NECAB1: variants seen among roughly 807,000 people sequenced by gnomAD.
NECAB1 encodes the protein N-terminal EF-hand calcium-binding protein 1.
NECAB1 carries 29 observed loss-of-function variants against 57.5 expected under a neutral mutation model. That is an observed-to-expected ratio of 0.50 (90% CI 0.38 to 0.69). The LOEUF (loss-of-function observed/expected upper bound fraction) is 0.69. Among genes scored for constraint, NECAB1 ranks in the 30% least tolerant of loss-of-function variants. The pLI, the probability that NECAB1 is intolerant of heterozygous loss-of-function variation, is 0.00. For synonymous variants in NECAB1, 142 were observed against 147.7 expected (o/e 0.96, Z 0.28); for missense variants, 372 against 413.8 (o/e 0.90, Z 0.88).
chr8:90,916,505 C>G (rs187226387), intron 5 of NECAB1, among the ~76,000 whole-genome samples: 1 of 152,244 alleles, frequency 6.6e-6, no homozygotes, highest in East Asian at 1.9e-4. Flanking sequence ...CACCCTCAGT[C>G]GTTTTGTGTT....
At chr8:90,905,319 A>G (rs1486188699) in intron 5 of NECAB1, among the ~76,000 whole-genome samples, 1 of 152,200 alleles carries the variant, frequency 6.6e-6, no homozygotes, top group East Asian at 1.9e-4. Context: ...TTGTTTGCAG[A>G]GAGTTGTAAT....
At chr8:90,827,310 T>C (rs1278555344) in intron 3 of NECAB1, among the ~76,000 whole-genome samples, 1 of 151,994 alleles carries the variant, frequency 6.6e-6, no homozygotes, top group Non-Finnish European at 1.5e-5. Context: ...ATACATAACC[T>C]GGACCAAAAC....
At chr8:90,945,243 A>G (rs1337209776) in intron 10 of NECAB1, among the ~76,000 whole-genome samples, 2 of 150,950 alleles carry the variant, frequency 1.3e-5, no homozygotes, top group African/African-American at 4.9e-5. Flanking sequence ...AATTTTTTGT[A>G]TTTTAGTAGA....
intron 3 of NECAB1, among the ~76,000 whole-genome samples, chr8:90,858,372 G>C (rs982228214): frequency 6.6e-6 from 1 of 152,146 alleles, no homozygotes; most frequent in Non-Finnish European, 1.5e-5. Flanking sequence ...AAAACATTAA[G>C]TGTAAAACTC....
intron 5 of NECAB1, among the ~76,000 whole-genome samples, chr8:90,907,151 TGAGAGAGAGA>T (rs71266152): frequency 8.8e-5 from 9 of 102,042 alleles, no homozygotes; most frequent in Admixed American, 2.2e-4. Flanking sequence ...TGTGTGTGTG[TGAGAGAGAGA>T]GAGAGAGAGA....
intron 5 of NECAB1, among the ~76,000 whole-genome samples, chr8:90,893,912 A>G (rs938573916): frequency 4.6e-5 from 7 of 151,966 alleles, no homozygotes; most frequent in African/African-American, 1.7e-4. Context: ...TCTTCAGTTC[A>G]TTATGTTGAA....
At chr8:90,925,424 T>A in intron 6 of NECAB1, 111 bp from the exon 7 acceptor site, 2 of 1,239,940 alleles carry the variant, frequency 1.6e-6, no homozygotes, top group Non-Finnish European at 2.2e-6. Context: ...CTCATAAGTT[T>A]TCATTTTGCT....
chr8:90,862,631 G>A (rs1808422444), intron 3 of NECAB1, among the ~76,000 whole-genome samples: 1 of 151,860 alleles, frequency 6.6e-6, no homozygotes. Flanking sequence ...ACAGACTTTT[G>A]TACTTGTTTA....
intron 5 of NECAB1, among the ~76,000 whole-genome samples, chr8:90,890,658 C>T (rs1400080040): frequency 6.6e-6 from 1 of 151,998 alleles, no homozygotes; most frequent in Non-Finnish European, 1.5e-5. Context: ...AATATGGTCA[C>T]CCTAAAACAA....
At chr8:90,822,485 AAGACTAT>A (rs1812157754) in intron 2 of NECAB1, among the ~76,000 whole-genome samples, 1 of 151,920 alleles carries the variant, frequency 6.6e-6, no homozygotes, top group South Asian at 2.1e-4. Flanking sequence ...CCTTCAAGCC[AAGACTAT>A]AAGCTAATGC....
intron 10 of NECAB1, among the ~76,000 whole-genome samples, chr8:90,945,335 G>A (rs1810778977): frequency 6.6e-6 from 1 of 152,174 alleles, no homozygotes; most frequent in African/African-American, 2.4e-5. Context: ...CAAAGTGCTG[G>A]AATTACAGGC....
chr8:90,848,560 G>C (rs1050903738), intron 3 of NECAB1, among the ~76,000 whole-genome samples: 1 of 152,148 alleles, frequency 6.6e-6, no homozygotes, highest in African/African-American at 2.4e-5. Flanking sequence ...AAGAAAAAGA[G>C]GTTTAATGTA....
At chr8:90,853,431 ATGTTTTCCCACTCAT>A (rs1812726471) in intron 3 of NECAB1, among the ~76,000 whole-genome samples, 3 of 152,134 alleles carry the variant, frequency 2.0e-5, no homozygotes, top group Admixed American at 6.5e-5. Context: ...AGGGTTTTAC[ATGTTTTCCCACTCAT>A]CCTAAACTTG....
At chr8:90,890,761 C>G (rs1323433104) in intron 5 of NECAB1, among the ~76,000 whole-genome samples, 1 of 152,136 alleles carries the variant, frequency 6.6e-6, no homozygotes, top group East Asian at 1.9e-4. Context: ...AAAAACAACT[C>G]AGTTTATTCA....
At chr8:90,898,349 A>G (rs1316584361) in intron 5 of NECAB1, among the ~76,000 whole-genome samples, 4 of 152,330 alleles carry the variant, frequency 2.6e-5, no homozygotes, top group South Asian at 2.1e-4. Flanking sequence ...TTAGACTTAG[A>G]GTAGCACAAC....
chr8:90,843,353 C>T (rs1230791102), intron 3 of NECAB1, among the ~76,000 whole-genome samples: 1 of 152,116 alleles, frequency 6.6e-6, no homozygotes, highest in African/African-American at 2.4e-5. Context: ...CTCTTTCCCC[C>T]CATCATATAT....
chr8:90,955,803 T>C lies in NECAB1; in HGVS notation c.*291T>C, dbSNP rs1811020471. On this transcript the variant is annotated 3_prime_UTR_variant, in exon 13 of 13. Transcript: ENST00000417640. ...ATCCTAATATGTGGAAAAAAGCATA[T>C]GCATAAAGGAATAATATTGTGAAAA... is the stretch of plus-strand genomic sequence containing the variant. 2 of 319,400 alleles carry C rather than the reference T, an allele frequency of 6.3e-6. No individual in the cohort carries two copies. The highest frequency in any genetic ancestry group is 1.1e-5 in the Non-Finnish European group (2 of 175,958). The allele number at this position is 319,400 out of a possible 1,614,324, so 19.8% of individuals were successfully genotyped here.
In NECAB1 at chr8:90,797,610, A is replaced by G. The variant is rs141091675; in HGVS notation, c.100-4081A>G. Among the ~76,000 whole-genome samples, 198 of 152,326 alleles carry G rather than the reference A, an allele frequency of 1.3e-3. 1 individual carries two copies. Among genetic ancestry groups the G allele is most frequent in the African/African-American group, 4.4e-3 (183 of 41,582 alleles). The stretch of plus-strand genomic sequence containing the variant: ...CCTCAAGGGCCCCTTCCAAGCAATT[A>G]AAGTTTGTCTTTGCAATGTGCTAGT... On this transcript the variant is annotated intron_variant, in intron 1 of 12. Transcript: ENST00000417640.
At chr8:90,920,519 G>A (rs1025853829) in intron 6 of NECAB1, among the ~76,000 whole-genome samples, 3 of 152,258 alleles carry the variant, frequency 2.0e-5, no homozygotes, top group Admixed American at 1.3e-4. Context: ...ACGCCTGATG[G>A]GAAGACAAGA....
Sources: gnomAD v4.1 joint callset for allele counts (sites outside exome capture counted in the v4.1 genomes callset) on GRCh38, gnomAD v4.1.1 for gene constraint, MANE v1.5 for transcripts, NCBI Gene and HGNC (gene_info 2026-07-23, HGNC 2026-07-21) for gene names.